Variants in UBE2G1 observed in about 807,000 individuals in gnomAD.
UBE2G1 encodes the protein ubiquitin-conjugating enzyme E2 G1.
UBE2G1 carries 5 observed loss-of-function variants against 22.7 expected under a neutral mutation model. The ratio of observed to expected loss-of-function variants is 0.22; its 90% CI spans 0.12 to 0.46. The LOEUF is 0.46. Ranked by LOEUF, UBE2G1 falls within the 20% of genes least tolerant of loss-of-function variation. UBE2G1 has a pLI of 0.99. For synonymous variants in UBE2G1, 74 were observed against 67.5 expected (o/e 1.10, Z -0.47); for missense variants, 88 against 203.9 (o/e 0.43, Z 3.46).
At chr17:4,276,935 A>C (rs4790604) in intron 5 of UBE2G1, among the ~76,000 whole-genome samples, 144,396 of 152,230 alleles carry the variant, frequency 0.95, 68,988 homozygotes, top group East Asian at 1. Context: ...CTTTGTACCA[A>C]CCCAACTCCA....
intron 5 of UBE2G1, among the ~76,000 whole-genome samples, chr17:4,280,211 A>G (rs996541361): frequency 1.4e-5 from 2 of 147,806 alleles, no homozygotes; most frequent in Non-Finnish European, 3.0e-5. Context: ...AATTTTTTGT[A>G]TATCTGGTAG....
At chr17:4,361,556 T>C (rs1402314859) in intron 1 of UBE2G1, among the ~76,000 whole-genome samples, 1 of 151,696 alleles carries the variant, frequency 6.6e-6, no homozygotes, top group Non-Finnish European at 1.5e-5. Context: ...AAAATAAATA[T>C]ATAAAGTACT....
chr17:4,319,275 A>G (rs1969409604), intron 1 of UBE2G1, among the ~76,000 whole-genome samples: 3 of 152,214 alleles, frequency 2.0e-5, no homozygotes, highest in Admixed American at 2.0e-4. Flanking sequence ...ACTGAACTTT[A>G]AAGTTAAATA....
chr17:4,316,901 A>G (rs894969743), intron 1 of UBE2G1, among the ~76,000 whole-genome samples: 20 of 148,538 alleles, frequency 1.3e-4, no homozygotes, highest in African/African-American at 4.0e-4. Context: ...GAAGGTGCCA[A>G]TGCACTCCAG....
chr17:4,353,552 G>A (rs1213042010), intron 1 of UBE2G1, among the ~76,000 whole-genome samples: 2 of 150,714 alleles, frequency 1.3e-5, no homozygotes, highest in African/African-American at 4.9e-5. Flanking sequence ...AGGCTGGAGT[G>A]TAGTGGCGAT....
intron 1 of UBE2G1, among the ~76,000 whole-genome samples, chr17:4,329,532 T>A (rs1348933617): frequency 6.6e-6 from 1 of 151,798 alleles, no homozygotes; most frequent in Non-Finnish European, 1.5e-5. Context: ...CACTCCAGCC[T>A]GGGTGAATGA....
At chr17:4,286,368 G>A (rs892184799) in intron 4 of UBE2G1, among the ~76,000 whole-genome samples, 8 of 148,230 alleles carry the variant, frequency 5.4e-5, no homozygotes, top group African/African-American at 2.0e-4. Context: ...TTGTGCCACT[G>A]CACCCCAGCC....
At chr17:4,317,319 C>T (rs1208870807) in intron 1 of UBE2G1, among the ~76,000 whole-genome samples, 1 of 152,076 alleles carries the variant, frequency 6.6e-6, no homozygotes. Flanking sequence ...CACTGCACTA[C>T]AGCCTAGGCG....
intron 1 of UBE2G1, among the ~76,000 whole-genome samples, chr17:4,311,086 CA>C (rs1197859297): frequency 2.6e-5 from 4 of 152,030 alleles, no homozygotes; most frequent in African/African-American, 9.6e-5. Flanking sequence ...ATTAGCCAGG[CA>C]CAGTGATGTG....
intron 3 of UBE2G1, among the ~76,000 whole-genome samples, chr17:4,294,438 AAAG>A (rs1969083097): frequency 4.3e-5 from 3 of 70,046 alleles, no homozygotes; most frequent in Admixed American, 1.7e-4. Context: ...AAAAAAAAAA[AAAG>A]AAAGAAACGA....
At chr17:4,360,686 C>A (rs780615129) in intron 1 of UBE2G1, among the ~76,000 whole-genome samples, 1 of 151,950 alleles carries the variant, frequency 6.6e-6, no homozygotes, top group Non-Finnish European at 1.5e-5. Context: ...CTGAGGCGGG[C>A]AGATCGCCTA....
At chr17:4,277,803 CAGAA>C (rs1968838643) in intron 5 of UBE2G1, among the ~76,000 whole-genome samples, 2 of 151,862 alleles carry the variant, frequency 1.3e-5, no homozygotes, top group East Asian at 3.9e-4. Flanking sequence ...AAAAAATACT[CAGAA>C]AGTGCATGGT....
At chr17:4,349,119 G>A (rs1441955221) in intron 1 of UBE2G1, among the ~76,000 whole-genome samples, 2 of 151,906 alleles carry the variant, frequency 1.3e-5, no homozygotes, top group Non-Finnish European at 2.9e-5. Context: ...TCAGGAGTTT[G>A]AAAACAGCCT....
intron 3 of UBE2G1, among the ~76,000 whole-genome samples, chr17:4,291,146 C>T (rs940377594): frequency 3.3e-5 from 5 of 152,020 alleles, no homozygotes; most frequent in Non-Finnish European, 5.9e-5. Flanking sequence ...AGATCACCTG[C>T]GGTCAGGAGT....
At chr17:4,303,121 T>C (rs1482179125) in intron 2 of UBE2G1, among the ~76,000 whole-genome samples, 1 of 152,198 alleles carries the variant, frequency 6.6e-6, no homozygotes, top group Admixed American at 6.5e-5. Context: ...GGCATAATGC[T>C]AGAAGACATG....
chr17:4,306,935 C>A, intron 2 of UBE2G1, 86 bp downstream of exon 2: 2 of 1,240,328 alleles, frequency 1.6e-6, no homozygotes, highest in Non-Finnish European at 1.2e-6. Context: ...CAGGTGTGAG[C>A]CACCGTGCCC....
chr17:4,362,174 T>C (rs1366937426), intron 1 of UBE2G1, among the ~76,000 whole-genome samples: 13 of 152,160 alleles, frequency 8.5e-5, no homozygotes, highest in Admixed American at 7.2e-4. Context: ...AAAACTTGAA[T>C]TGCCACCGCT....
chr17:4,282,639 C>T (rs1166985678), intron 5 of UBE2G1, among the ~76,000 whole-genome samples, 159 bp downstream of exon 5: 1 of 152,038 alleles, frequency 6.6e-6, no homozygotes, highest in East Asian at 1.9e-4. Flanking sequence ...GAAAAGCAAG[C>T]AGATTATACA....
At chr17:4,275,785 A>G (rs965979306) in intron 5 of UBE2G1, among the ~76,000 whole-genome samples, 1 of 152,186 alleles carries the variant, frequency 6.6e-6, no homozygotes, top group Non-Finnish European at 1.5e-5. Context: ...ACCCTTCACA[A>G]AAAAATGCTT....
Sources: allele counts gnomAD v4.1 joint callset (sites outside exome capture counted in the v4.1 genomes callset), GRCh38; gene constraint gnomAD v4.1.1; transcripts MANE v1.5; gene names NCBI Gene and HGNC (gene_info 2026-07-23, HGNC 2026-07-21).